EPHA4: variants seen among roughly 807,000 people sequenced by gnomAD.
EPHA4 encodes the protein EPH receptor A4, also known as ephrin type-A receptor 4.
A neutral mutation model predicts 108.3 loss-of-function variants in EPHA4; 19 were observed. That is an observed-to-expected ratio of 0.18 (90% CI 0.12 to 0.26). The LOEUF (loss-of-function observed/expected upper bound fraction) is 0.26. Ranked by LOEUF, EPHA4 falls within the 10% of genes least tolerant of loss-of-function variation. The probability of loss-of-function intolerance (pLI) is 1.00; values close to 1 mark genes in which losing one functional copy is unlikely to be tolerated. For synonymous variants in EPHA4, 449 were observed against 455.5 expected (o/e 0.99, Z 0.18); for missense variants, 917 against 1,254.0 (o/e 0.73, Z 4.06).
At chr2:221,553,471 G>T (rs1050433002) in intron 3 of EPHA4, among the ~76,000 whole-genome samples, 17 of 152,174 alleles carry the variant, frequency 1.1e-4, no homozygotes, top group Admixed American at 2.6e-4. Context: ...ATATTTACCT[G>T]CCATGGTATT....
chr2:221,556,090 A>G (rs900247098), intron 3 of EPHA4, among the ~76,000 whole-genome samples: 8 of 152,338 alleles, frequency 5.3e-5, no homozygotes, highest in African/African-American at 1.9e-4. Flanking sequence ...ACTCTCAAAA[A>G]TTATTGAGAA....
intron 3 of EPHA4, among the ~76,000 whole-genome samples, chr2:221,538,715 T>C (rs1332414272): frequency 6.6e-6 from 1 of 152,248 alleles, no homozygotes; most frequent in African/African-American, 2.4e-5. Flanking sequence ...TTTAAATTTA[T>C]GACATTTCTA....
intron 15 of EPHA4, among the ~76,000 whole-genome samples, chr2:221,429,284 G>T (rs1690002653): frequency 6.6e-6 from 1 of 152,168 alleles, no homozygotes; most frequent in East Asian, 1.9e-4. Context: ...AGGACTTATA[G>T]TATCTTTATG....
chr2:221,531,569 T>G lies in EPHA4; in HGVS notation c.824-30397A>C, dbSNP rs550446868. Among the ~76,000 whole-genome samples, 16 of 152,276 alleles carry G rather than the reference T, an allele frequency of 1.1e-4. No individual in the cohort carries two copies. In the South Asian group the frequency reaches 2.5e-3, roughly 24 times the overall value. Reference sequence around the variant, plus strand: ...AAAGTATGCAAAGCTACTTCCTATATAAATAAGCACACTTCTTTTTCATCT... The same window carrying G: ...AAAGTATGCAAAGCTACTTCCTATAGAAATAAGCACACTTCTTTTTCATCT... On this transcript the variant is annotated intron_variant, in intron 3 of 17. Transcript: ENST00000281821.
chr2:221,508,551 C>T (rs1415661313), intron 3 of EPHA4, among the ~76,000 whole-genome samples: 3 of 150,322 alleles, frequency 2.0e-5, no homozygotes, highest in African/African-American at 7.4e-5. Context: ...TGCACTCCAG[C>T]CTGGGCAACA....
At chr2:221,450,254 C>T (rs753895129) in intron 8 of EPHA4, among the ~76,000 whole-genome samples, 2 of 152,174 alleles carry the variant, frequency 1.3e-5, no homozygotes, top group African/African-American at 2.4e-5. Flanking sequence ...ATTAAAAATA[C>T]AAAAATTAAC....
At chr2:221,430,231 C>T in intron 14 of EPHA4, 80 bp from the exon 15 acceptor site, 1 of 1,432,230 alleles carries the variant, frequency 7.0e-7, no homozygotes, top group Non-Finnish European at 9.4e-7. Flanking sequence ...TGGCATGTTT[C>T]TTGTGCATGA....
At chr2:221,498,377 G>C (rs1463605893) in intron 4 of EPHA4, among the ~76,000 whole-genome samples, 1 of 152,154 alleles carries the variant, frequency 6.6e-6, no homozygotes, top group Non-Finnish European at 1.5e-5. Context: ...GTTTACTATT[G>C]TGCCCCAGAT....
At chr2:221,547,351 A>G (rs547785138) in intron 3 of EPHA4, among the ~76,000 whole-genome samples, 1 of 152,336 alleles carries the variant, frequency 6.6e-6, no homozygotes, top group African/African-American at 2.4e-5. Flanking sequence ...GAAATCCAAA[A>G]CTTCTCATTT....
At chr2:221,424,476 CAA>C (rs201109701) in intron 17 of EPHA4, among the ~76,000 whole-genome samples, 23,420 of 140,106 alleles carry the variant, frequency 0.17, 1,988 homozygotes, top group African/African-American at 0.22. Context: ...TGAAATAACT[CAA>C]AAAAAAAAAA....
intron 3 of EPHA4, among the ~76,000 whole-genome samples, chr2:221,544,064 T>C (rs1292260110): frequency 3.9e-5 from 6 of 152,254 alleles, no homozygotes; most frequent in Non-Finnish European, 8.8e-5. Flanking sequence ...GGGTCCCTTT[T>C]ATAAGGACAT....
At chr2:221,475,645 T>C (rs1227378403) in intron 5 of EPHA4, among the ~76,000 whole-genome samples, 1 of 152,242 alleles carries the variant, frequency 6.6e-6, no homozygotes. Context: ...TACTCAACTA[T>C]GCCATTGTCA....
chr2:221,499,752 ATATATTTTTTTTTT>A (rs1427872062), intron 4 of EPHA4, among the ~76,000 whole-genome samples: 1 of 41,352 alleles, frequency 2.4e-5, no homozygotes, highest in African/African-American at 1.4e-4. Flanking sequence ...ATATATATAT[ATATATTTTTTTTTT>A]TTTTTTTTGA....
intron 4 of EPHA4, among the ~76,000 whole-genome samples, chr2:221,482,925 T>C (rs1691871472): frequency 6.6e-6 from 1 of 152,224 alleles, no homozygotes; most frequent in African/African-American, 2.4e-5. Context: ...GGTTGTCACT[T>C]TGAGATGTGA....
In EPHA4 at chr2:221,566,969, G is replaced by GGAAGAGGAAGAA. The variant is rs1694681667; in HGVS notation, c.159+1748_159+1749insTTCTTCCTCTTC. Among the ~76,000 whole-genome samples, 10 of 27,648 alleles carry GGAAGAGGAAGAA rather than the reference G, an allele frequency of 3.6e-4. 3 individuals carry two copies. Among genetic ancestry groups the GGAAGAGGAAGAA allele is most frequent in the East Asian group, 1.1e-3 (1 of 920 alleles). The allele number at this position is 27,648 out of a possible 152,430, so 18.1% of individuals were successfully genotyped here. On this transcript the variant is annotated intron_variant, in intron 2 of 17. Coordinates refer to ENST00000281821, the MANE Select transcript of EPHA4 (RefSeq NM_004438.5). Reference sequence around the variant, plus strand: ...GAGAAGGAGAAGGGGAAGAGGAAGAGGAAGAAGAAGAAGAAGAAGAAGAAG... The same window carrying GGAAGAGGAAGAA: ...GAGAAGGAGAAGGGGAAGAGGAAGAGGAAGAGGAAGAAGAAGAAGAAGAAGAAGAAGAAGAAG...
intron 8 of EPHA4, among the ~76,000 whole-genome samples, chr2:221,453,603 G>C (rs1490225628): frequency 1.3e-5 from 2 of 152,108 alleles, no homozygotes; most frequent in African/African-American, 2.4e-5. Flanking sequence ...ATATTCTGCT[G>C]TTTAGAATAT....
At chr2:221,489,555 A>G (rs750898987) in intron 4 of EPHA4, among the ~76,000 whole-genome samples, 1 of 152,104 alleles carries the variant, frequency 6.6e-6, no homozygotes, top group East Asian at 1.9e-4. Context: ...TACTCCATAC[A>G]AACTGAAATC....
chr2:221,489,851 A>G (rs975575553), intron 4 of EPHA4, among the ~76,000 whole-genome samples: 1 of 152,154 alleles, frequency 6.6e-6, no homozygotes, highest in Non-Finnish European at 1.5e-5. Context: ...CATCACTACC[A>G]TAGCACTATG....
Position 221,563,767 on chromosome 2 carries a change from T to G in EPHA4, c.787A>C (p.Asn263His). 3.7e-6 allele frequency: 6 copies of G among 1,614,236 alleles called. No individual in the cohort carries two copies. Among genetic ancestry groups the G allele is most frequent in the Non-Finnish European group, 5.1e-6 (6 of 1,180,044 alleles). ...CCGCTCCGCTCCTCATGCCCAGCGT[T>G]GCATAGGCAGTTGCCAATGGGTACC... is the stretch of plus-strand genomic sequence containing the variant. ...WLVPIGNCLC[N>H]AGHEERSGEC... The change falls in exon 3 of 18, where the codon AAC becomes CAC. Residue 263 changes from asparagine (N) to histidine (H), a missense_variant. Physicochemically the swap from Asn to His is moderately conservative, Grantham distance 68 (BLOSUM62 1). This residue lies in a region of EPHA4 where 758 missense variants were observed against 1,076.7 expected (regional missense o/e 0.70). Coordinates refer to ENST00000281821, the MANE Select transcript of EPHA4 (RefSeq NM_004438.5).
Sources: gnomAD v4.1 joint callset for allele counts (sites outside exome capture counted in the v4.1 genomes callset) on GRCh38, gnomAD v4.1.1 for gene constraint, gnomAD v4.1.1 regional missense constraint, MANE v1.5 for transcripts, NCBI Gene and HGNC (gene_info 2026-07-23, HGNC 2026-07-21) for gene names.